The following ZNF827 variants were observed in gnomAD, a reference collection of about 807,000 sequenced individuals.
The protein encoded by ZNF827 is zinc finger protein 827.
Under a neutral mutation model 102.4 loss-of-function variants are expected in ZNF827, and 13 were observed. That is an observed-to-expected ratio of 0.13 (90% CI 0.08 to 0.20). The LOEUF (loss-of-function observed/expected upper bound fraction) is 0.20, where lower values mean the gene tolerates loss of function less well. Among genes scored for constraint, ZNF827 ranks in the 10% least tolerant of loss-of-function variants. The pLI is 1.00. For synonymous variants in ZNF827, 523 were observed against 536.2 expected, an observed-to-expected ratio of 0.98 and a Z score of 0.34; for missense variants, 1,103 against 1,344.4, an observed-to-expected ratio of 0.82 and a Z score of 2.81.
intron 7 of ZNF827, among the ~76,000 whole-genome samples, chr4:145,844,042 A>G (rs1745676529): frequency 6.6e-6 from 1 of 152,096 alleles, no homozygotes; most frequent in African/African-American, 2.4e-5. Flanking sequence ...AGCAAATTAA[A>G]ATGAATATTT....
Position 145,775,789 on chromosome 4 carries a change from C to T in ZNF827, c.2693G>A (p.Ser898Asn). Residue 898 changes from serine to asparagine, a missense_variant and splice_region_variant, in exon 10 of 15, where the codon AGT (serine) becomes AAT (asparagine). Physicochemically the swap from Ser to Asn is conservative, Grantham distance 46 (BLOSUM62 1). Coordinates refer to ENST00000508784, the MANE Select transcript of ZNF827 (RefSeq NM_001306215.2). ...CTAGCATGTTCCATCTGCAACTCACCTGTAATAATAAGGATGTTTCTTCCC... is the reference window on the plus strand; with the variant it reads ...CTAGCATGTTCCATCTGCAACTCACTTGTAATAATAAGGATGTTTCTTCCC... The part of the protein sequence containing the change: ...SDGKKHPYYY[S>N]CHVCGFETEL... The T allele has an allele frequency of 6.2e-7, 1 of 1,614,158 alleles. No individual in the cohort carries two copies. The highest frequency in any genetic ancestry group is 8.5e-7 in the Non-Finnish European group (1 of 1,180,026).
intron 3 of ZNF827, among the ~76,000 whole-genome samples, chr4:145,887,255 T>TA (rs1579480846): frequency 6.6e-6 from 1 of 152,066 alleles, no homozygotes; most frequent in South Asian, 2.1e-4. Flanking sequence ...AACCCAGGTC[T>TA]CACCAAGGTT....
At chr4:145,897,728 T>A (rs1240209974) in intron 2 of ZNF827, among the ~76,000 whole-genome samples, 2 of 152,242 alleles carry the variant, frequency 1.3e-5, no homozygotes, top group East Asian at 3.8e-4. Context: ...AAGTCTGATA[T>A]CTATAGCCAT....
chr4:145,769,024 G>A (rs1056942389), intron 11 of ZNF827, among the ~76,000 whole-genome samples: 3 of 148,696 alleles, frequency 2.0e-5, no homozygotes, highest in Non-Finnish European at 4.5e-5. Context: ...AAATTTTCTA[G>A]AGTGACCATA....
intron 8 of ZNF827, among the ~76,000 whole-genome samples, chr4:145,821,081 AT>A (rs1289347633): frequency 1.6e-4 from 24 of 152,244 alleles, no homozygotes; most frequent in Admixed American, 6.5e-4. Context: ...CATAAAACCT[AT>A]TTTATGTAAC....
At chr4:145,922,797 T>C (rs559002352) in intron 1 of ZNF827, among the ~76,000 whole-genome samples, 1 of 152,200 alleles carries the variant, frequency 6.6e-6, no homozygotes, top group Non-Finnish European at 1.5e-5. Flanking sequence ...TGGCAGACTC[T>C]TCATTGGAAA....
intron 11 of ZNF827, chr4:145,771,120 G>C (rs72723871): frequency 6.6e-6 from 1 of 152,102 alleles, no homozygotes; most frequent in African/African-American, 2.4e-5. Context: ...AGGCCTAAAG[G>C]TTTTCTTAAC....
At chr4:145,873,320 A>G (rs190306798) in intron 4 of ZNF827, among the ~76,000 whole-genome samples, 18 of 152,320 alleles carry the variant, frequency 1.2e-4, no homozygotes, top group African/African-American at 4.1e-4. Flanking sequence ...ATATTTGTTG[A>G]ATGAGTAAAA....
At chr4:145,768,613 T>C (rs1179785261) in intron 11 of ZNF827, among the ~76,000 whole-genome samples, 1 of 151,684 alleles carries the variant, frequency 6.6e-6, no homozygotes, top group East Asian at 1.9e-4. Flanking sequence ...GGAGAAAATA[T>C]AGGGAGACTG....
At chr4:145,793,413 A>G (rs1740031789) in intron 8 of ZNF827, among the ~76,000 whole-genome samples, 1 of 91,114 alleles carries the variant, frequency 1.1e-5, no homozygotes, top group African/African-American at 4.1e-5. Context: ...AAGCTTGAGG[A>G]CCAAGGAGAG....
At chr4:145,809,892 G>A (rs1482151037) in intron 8 of ZNF827, among the ~76,000 whole-genome samples, 1 of 152,152 alleles carries the variant, frequency 6.6e-6, no homozygotes, top group African/African-American at 2.4e-5. Flanking sequence ...ACTCATCTGA[G>A]TGATAACTCC....
chr4:145,846,807 ACT>A (rs1200840228), intron 6 of ZNF827, among the ~76,000 whole-genome samples: 1 of 145,522 alleles, frequency 6.9e-6, no homozygotes, highest in Non-Finnish European at 1.5e-5. Flanking sequence ...ACAGAGCAAG[ACT>A]CTGTCTCAAA....
chr4:145,766,210 G>A (rs1735273085), intron 11 of ZNF827, among the ~76,000 whole-genome samples: 1 of 152,090 alleles, frequency 6.6e-6, no homozygotes, highest in Admixed American at 6.5e-5. Flanking sequence ...TGACTCCAGG[G>A]TCCATGCTCT....
intron 4 of ZNF827, among the ~76,000 whole-genome samples, chr4:145,884,215 C>T (rs537145509): frequency 6.6e-6 from 1 of 152,262 alleles, no homozygotes; most frequent in South Asian, 2.1e-4. Flanking sequence ...TCTGGGACAT[C>T]TCATTTTCCA....
intron 4 of ZNF827, among the ~76,000 whole-genome samples, chr4:145,872,062 C>T (rs187444941): frequency 1.3e-4 from 20 of 152,290 alleles, no homozygotes; most frequent in Admixed American, 1.2e-3. Context: ...CTGTTCAAAA[C>T]TATAATCACC....
In ZNF827 at chr4:145,911,920, C is replaced by G. The variant is rs28454699; in HGVS notation, c.44-8705G>C. 5.7e-3 allele frequency among the ~76,000 whole-genome samples: 862 copies of G among 152,302 alleles called. 9 individuals carry two copies. Among genetic ancestry groups the G allele is most frequent in the African/African-American group, 0.02 (814 of 41,564 alleles). ...CTATGATAGATGTTTTCATATTCAT[C>G]AGCAAATTTCATCCTCACAATAATT... On this transcript the variant is annotated intron_variant, in intron 1 of 14. Transcript: ENST00000508784.
intron 8 of ZNF827, among the ~76,000 whole-genome samples, chr4:145,794,686 C>T (rs1740190307): frequency 6.6e-6 from 1 of 151,736 alleles, no homozygotes; most frequent in African/African-American, 2.4e-5. Context: ...GGCGACAGGG[C>T]GAGACCCTGT....
chr4:145,912,512 AT>A (rs112846066), intron 1 of ZNF827, among the ~76,000 whole-genome samples: 3 of 152,356 alleles, frequency 2.0e-5, no homozygotes, highest in African/African-American at 7.2e-5. Context: ...CTCTCAAAAG[AT>A]ATTGAAGTTC....
Position 145,765,828 on chromosome 4 carries a change from T to G in ZNF827, c.2861-90A>C. On this transcript the variant is annotated intron_variant, in intron 11 of 14. Transcript: ENST00000508784. The surrounding 1 kb of genome is among the most constrained non-coding windows in gnomAD (Gnocchi z 4.7). ...AGGGTGACGAGTTGAGTCTCATGGA[T>G]GCATCATCATTCTGGGGGCACAGGC... is the stretch of plus-strand genomic sequence containing the variant. 7.5e-7 allele frequency: 1 copy of G among 1,330,392 alleles called. No individual in the cohort carries two copies. The highest frequency in any genetic ancestry group is 1.0e-6 in the Non-Finnish European group (1 of 970,088). The allele number at this position is 1,330,392 out of a possible 1,614,324, so 82.4% of individuals were successfully genotyped here.
Sources: gnomAD v4.1 joint callset for allele counts (sites outside exome capture counted in the v4.1 genomes callset) on GRCh38, gnomAD v4.1.1 for gene constraint, Gnocchi (gnomAD v3.1) non-coding constraint, MANE v1.5 for transcripts, NCBI Gene and HGNC (gene_info 2026-07-23, HGNC 2026-07-21) for gene names.